Variants in BCHE observed in about 807,000 individuals in gnomAD.
The protein encoded by BCHE is butyrylcholinesterase.
BCHE carries 48 observed loss-of-function variants against 51.3 expected under a neutral mutation model. The observed-to-expected ratio is 0.94, with a 90% CI of 0.74 to 1.19. The LOEUF (loss-of-function observed/expected upper bound fraction) is 1.19. BCHE is among the 50% of genes most tolerant of loss of function. BCHE has a pLI of 0.00. For synonymous variants in BCHE, 251 were observed against 238.0 expected, an observed-to-expected ratio of 1.05 and a Z score of -0.50; for missense variants, 847 against 708.2, an observed-to-expected ratio of 1.20 and a Z score of -2.23.
intron 2 of BCHE, among the ~76,000 whole-genome samples, chr3:165,828,733 A>G (rs1714827226): frequency 6.9e-6 from 1 of 144,384 alleles, no homozygotes; most frequent in Non-Finnish European, 1.5e-5. Context: ...GTAGTGGGAG[A>G]AAAAAAAACT....
intron 3 of BCHE, among the ~76,000 whole-genome samples, chr3:165,783,297 G>C (rs1712784311): frequency 6.6e-6 from 1 of 152,082 alleles, no homozygotes; most frequent in Non-Finnish European, 1.5e-5. Context: ...GAGTGAACTA[G>C]TATAAACTTA....
At position 165,834,740 on chromosome 3, in the gene BCHE, T is replaced by C. The variant is rs147936733; in HGVS notation, c.-9+2574A>G. Among the ~76,000 whole-genome samples the C allele has an allele frequency of 1.8e-3, 276 of 152,032 alleles. 1 individual carries two copies. The highest frequency in any genetic ancestry group is 6.0e-3 in the African/African-American group (251 of 41,572). On this transcript the variant is annotated intron_variant, in intron 1 of 3. Transcript: ENST00000264381. ...TATTGAGTCTATATCTCAAAATTTTTATTAATGATTAGGATATTCAACAAA... is the reference window on the plus strand; with the variant it reads ...TATTGAGTCTATATCTCAAAATTTTCATTAATGATTAGGATATTCAACAAA...
Position 165,829,898 on chromosome 3 carries a change from T to C in BCHE, c.1136A>G (p.Gln379Arg), listed in dbSNP as rs1243730637. The C allele has an allele frequency of 6.2e-7, 1 of 1,611,106 alleles. No individual in the cohort carries two copies. The highest frequency in any genetic ancestry group is 2.2e-5 in the East Asian group (1 of 44,850). ...NNSIITRKEF[Q>R]EGLKIFFPGV... ...TGGAAAAAATATTTTTAAACCTTCC[T>C]GAAATTCTTTTCTAGTTATGATACT... The change falls in exon 2 of 4, where the codon CAG (glutamine) becomes CGG (arginine). Residue 379 changes from glutamine (Q) to arginine (R), a missense_variant. Physicochemically the swap from Gln to Arg is conservative, Grantham distance 43. Transcript: ENST00000264381.
chr3:165,800,880 A>T (rs1228151575), intron 2 of BCHE, among the ~76,000 whole-genome samples: 2 of 152,168 alleles, frequency 1.3e-5, no homozygotes. Flanking sequence ...TTGGAGATTA[A>T]TAATAAATAA....
chr3:165,787,971 T>G (rs1355535), intron 2 of BCHE, among the ~76,000 whole-genome samples: 90,166 of 151,880 alleles, frequency 0.59, 31,609 homozygotes, highest in East Asian at 0.78. Flanking sequence ...TCCTTGCTCT[T>G]ATTCTACCTT....
intron 2 of BCHE, among the ~76,000 whole-genome samples, chr3:165,801,058 G>A (rs2108214048): frequency 6.6e-6 from 1 of 152,200 alleles, no homozygotes. Context: ...CTTCCTTCCT[G>A]CCCTTCTTGG....
intron 2 of BCHE, chr3:165,827,889 A>G (rs1347587826): frequency 2.9e-6 from 1 of 341,830 alleles, no homozygotes; most frequent in Non-Finnish European, 5.7e-6. Context: ...AATAACCCAC[A>G]TATCTTGAAA....
At chr3:165,835,824 G>A (rs1715168876) in intron 1 of BCHE, among the ~76,000 whole-genome samples, 1 of 151,878 alleles carries the variant, frequency 6.6e-6, no homozygotes, top group Non-Finnish European at 1.5e-5. Context: ...ATTTATTAGA[G>A]AGATTTCTTG....
intron 1 of BCHE, among the ~76,000 whole-genome samples, chr3:165,831,555 C>T (rs1196327038): frequency 1.3e-5 from 2 of 152,088 alleles, no homozygotes; most frequent in Non-Finnish European, 2.9e-5. Flanking sequence ...TTTCTGTTTT[C>T]CTTGTCTTTT....
At chr3:165,795,004 TGA>T (rs1491454127) in intron 2 of BCHE, among the ~76,000 whole-genome samples, 2 of 151,950 alleles carry the variant, frequency 1.3e-5, no homozygotes, top group Non-Finnish European at 2.9e-5. Context: ...AAATATACAC[TGA>T]AAAAAATGGT....
chr3:165,810,652 T>C (rs904118784), intron 2 of BCHE, among the ~76,000 whole-genome samples: 5 of 152,196 alleles, frequency 3.3e-5, no homozygotes, highest in Admixed American at 6.6e-5. Context: ...TGGGGATGCA[T>C]TGTGTTCGTT....
At chr3:165,795,043 C>G (rs575003837) in intron 2 of BCHE, among the ~76,000 whole-genome samples, 1 of 152,154 alleles carries the variant, frequency 6.6e-6, no homozygotes, top group South Asian at 2.1e-4. Context: ...AAGTGAATAG[C>G]TTTCGGAACT....
rs765535291 is a variant in BCHE at position 165,829,671 on chromosome 3, T to C, written c.1363A>G (p.Lys455Glu). Reference sequence around the variant, plus strand: ...CCCATCCATTCTGGCCACGGAAGTTTGGAGGATCGGTGTTCAAAATAGTAG... The same window carrying C: ...CCCATCCATTCTGGCCACGGAAGTTCGGAGGATCGGTGTTCAAAATAGTAG... ...FFYYFEHRSS[K>E]LPWPEWMGVM... Residue 455 changes from lysine (K) to glutamate (E), a missense_variant, in exon 2 of 4, where the codon AAA becomes GAA. By Grantham distance (56) the Lys-to-Glu change is moderately conservative. Coordinates refer to ENST00000264381, the MANE Select transcript of BCHE (RefSeq NM_000055.4). The C allele has an allele frequency of 6.2e-7, 1 of 1,613,930 alleles. No individual in the cohort carries two copies. The highest frequency in any genetic ancestry group is 1.1e-5 in the South Asian group (1 of 91,080).
chr3:165,806,823 G>T (rs945182541), intron 2 of BCHE, among the ~76,000 whole-genome samples: 3 of 151,876 alleles, frequency 2.0e-5, no homozygotes, highest in African/African-American at 7.3e-5. Flanking sequence ...GCCATATTTG[G>T]TTCTCTTTAT....
intron 2 of BCHE, among the ~76,000 whole-genome samples, chr3:165,794,951 CTT>C (rs1713312299): frequency 6.6e-6 from 1 of 152,038 alleles, no homozygotes; most frequent in Admixed American, 6.5e-5. Context: ...GAAAATCAGT[CTT>C]ATCTATTTTT....
intron 2 of BCHE, among the ~76,000 whole-genome samples, chr3:165,795,923 AAAG>A (rs1343204041): frequency 1.3e-5 from 2 of 152,110 alleles, no homozygotes; most frequent in Admixed American, 6.6e-5. Flanking sequence ...TTATGAGAAA[AAAG>A]AAGGGAAGAG....
intron 1 of BCHE, among the ~76,000 whole-genome samples, chr3:165,835,785 G>T: frequency 6.6e-6 from 1 of 151,838 alleles, no homozygotes; most frequent in East Asian, 1.9e-4. Flanking sequence ...AAGAACATTT[G>T]CAAACTTCAT....
At chr3:165,788,051 A>T (rs536044423) in intron 2 of BCHE, among the ~76,000 whole-genome samples, 1 of 152,152 alleles carries the variant, frequency 6.6e-6, no homozygotes, top group African/African-American at 2.4e-5. Flanking sequence ...ATCCTTCATC[A>T]TTCAGATACC....
intron 3 of BCHE, among the ~76,000 whole-genome samples, chr3:165,773,820 A>G (rs1712351649): frequency 6.6e-6 from 1 of 152,026 alleles, no homozygotes; most frequent in Non-Finnish European, 1.5e-5. Flanking sequence ...TCAAGAGGAT[A>G]TGTAGATATT....
Sources: gnomAD v4.1 joint callset for allele counts (sites outside exome capture counted in the v4.1 genomes callset) on GRCh38, gnomAD v4.1.1 for gene constraint, MANE v1.5 for transcripts, NCBI Gene and HGNC (gene_info 2026-07-23, HGNC 2026-07-21) for gene names.